The following CERS5 variants were observed in gnomAD, a reference collection of about 807,000 sequenced individuals.
CERS5 encodes ceramide synthase 5.
A neutral mutation model predicts 58.9 loss-of-function variants in CERS5; 37 were observed. That is an observed-to-expected ratio of 0.63 (90% CI 0.48 to 0.83). CERS5 has a LOEUF of 0.83. Ranked by LOEUF, CERS5 falls within the 40% of genes least tolerant of loss-of-function variation. The pLI is 0.00. For synonymous variants in CERS5, 147 were observed against 177.8 expected (o/e 0.83, Z 1.38); for missense variants, 398 against 489.3 (o/e 0.81, Z 1.76).
chr12:50,161,742 A>G (rs1444845598), intron 1 of CERS5, among the ~76,000 whole-genome samples: 1 of 137,404 alleles, frequency 7.3e-6, no homozygotes, highest in Non-Finnish European at 1.5e-5. Flanking sequence ...AAGTCACTGC[A>G]TTCCAGCCTG....
chr12:50,151,855 G>C (rs1937997338), intron 1 of CERS5, among the ~76,000 whole-genome samples: 1 of 152,194 alleles, frequency 6.6e-6, no homozygotes, highest in Non-Finnish European at 1.5e-5. Flanking sequence ...ATGCTGGCCA[G>C]GCTGGTCCCG....
At chr12:50,162,417 ACTGT>A (rs1245274297) in intron 1 of CERS5, among the ~76,000 whole-genome samples, 3 of 152,068 alleles carry the variant, frequency 2.0e-5, no homozygotes. Context: ...AGCCTTAGTA[ACTGT>A]CTGTAAAAGG....
chr12:50,162,800 C>G (rs937498170), intron 1 of CERS5, among the ~76,000 whole-genome samples: 5 of 152,118 alleles, frequency 3.3e-5, no homozygotes, highest in Non-Finnish European at 5.9e-5. Context: ...GATGGGGTTT[C>G]ACCATGTTAG....
chr12:50,146,252 T>C (rs1952260881), intron 1 of CERS5, among the ~76,000 whole-genome samples: 1 of 152,214 alleles, frequency 6.6e-6, no homozygotes, highest in South Asian at 2.1e-4. Context: ...AATGTATGCC[T>C]ACACCAATAC....
intron 1 of CERS5, among the ~76,000 whole-genome samples, chr12:50,164,361 A>C (rs1939638410): frequency 6.6e-6 from 1 of 151,454 alleles, no homozygotes; most frequent in Non-Finnish European, 1.5e-5. Flanking sequence ...CTTGAGCCAA[A>C]GAGGTCGAGG....
At chr12:50,138,768 T>C (rs1463098067) in intron 4 of CERS5, 151 bp from the exon 5 acceptor site, 5 of 696,638 alleles carry the variant, frequency 7.2e-6, no homozygotes, top group Non-Finnish European at 1.3e-5. Flanking sequence ...GATCAATAAA[T>C]AGCTAGACTG....
chr12:50,148,904 C>CAAAAA (rs71083511), intron 1 of CERS5, among the ~76,000 whole-genome samples: 1 of 72,090 alleles, frequency 1.4e-5, no homozygotes, highest in Non-Finnish European at 2.4e-5. Flanking sequence ...GACTCCATCT[C>CAAAAA]AAAAAAAAAA....
chr12:50,135,653 C>T, intron 8 of CERS5, 79 bp downstream of exon 8: 1 of 1,049,212 alleles, frequency 9.5e-7, no homozygotes, highest in Non-Finnish European at 1.5e-6. Context: ...AACAGAAAAA[C>T]TGAATGGGCA....
intron 1 of CERS5, chr12:50,164,902 T>A (rs1346846969): frequency 6.6e-6 from 1 of 152,184 alleles, no homozygotes; most frequent in African/African-American, 2.4e-5. Flanking sequence ...CATATTTATA[T>A]GAAAAGCAGA....
chr12:50,156,394 ACT>A (rs1182181760), intron 1 of CERS5, among the ~76,000 whole-genome samples: 1 of 140,310 alleles, frequency 7.1e-6, no homozygotes. Context: ...ACAGAGCAAG[ACT>A]CTGTCTCAAA....
At chr12:50,165,861 C>G (rs566712091) in intron 1 of CERS5, 1 of 423,370 alleles carries the variant, frequency 2.4e-6, no homozygotes, top group South Asian at 1.7e-5. Context: ...TTCTTGGAGT[C>G]TGAGTAGACT....
intron 1 of CERS5, chr12:50,148,404 T>C (rs1043368839): frequency 1.8e-4 from 37 of 205,496 alleles, no homozygotes; most frequent in African/African-American, 6.7e-4. Flanking sequence ...AAGACCAGGC[T>C]GGCCAACATG....
rs1227585008 is a variant in CERS5, at chr12:50,152,681, AAACT to A, written c.198-8628_198-8625del. The stretch of plus-strand genomic sequence containing the variant: ...TTTGTATGACTACTGCAAGCTGAAT[AAACT>A]AAGTCGCTTTTTCCATAGAATACCA... On this transcript the variant is annotated intron_variant, in intron 1 of 9. Transcript: ENST00000317551. Among the ~76,000 whole-genome samples, 8 of 152,350 alleles carry A rather than the reference AAACT, an allele frequency of 5.3e-5. No homozygotes were observed. The South Asian group carries it at 1.7e-3, about 32-fold the overall frequency.
At chr12:50,153,881 G>T in intron 1 of CERS5, 1 of 423,128 alleles carries the variant, frequency 2.4e-6, no homozygotes, top group Non-Finnish European at 4.7e-6. Context: ...TTGAACCTGG[G>T]AGGCAGAGGT....
intron 1 of CERS5, among the ~76,000 whole-genome samples, chr12:50,149,419 G>A (rs888833099): frequency 6.6e-6 from 1 of 152,162 alleles, no homozygotes; most frequent in African/African-American, 2.4e-5. Context: ...CAGATACATA[G>A]CAGCAGTTGA....
chr12:50,151,690 T>C (rs1937977346), intron 1 of CERS5, among the ~76,000 whole-genome samples: 1 of 152,232 alleles, frequency 6.6e-6, no homozygotes, highest in Admixed American at 6.5e-5. Context: ...TCTCCCTCTG[T>C]CACCTGGGCT....
rs1383243291 is a variant in CERS5 at position 50,164,175 on chromosome 12, G to C, written c.197+2926C>G. On this transcript the variant is annotated intron_variant, in intron 1 of 9. Transcript: ENST00000317551. ...GGGTTTCACCATGTTGGCCAGGCTG[G>C]TCTCGAACTCCTGGCCTCAAGTGAT... Among the ~76,000 whole-genome samples, 13 of 150,992 alleles carry C rather than the reference G, an allele frequency of 8.6e-5. 1 individual carries two copies.
At chr12:50,132,720 A>T (rs1951398944) in intron 9 of CERS5, among the ~76,000 whole-genome samples, 2 of 109,840 alleles carry the variant, frequency 1.8e-5, no homozygotes, top group African/African-American at 6.3e-5. Context: ...TAGAGGGCAG[A>T]GTGTCTCTAG....
intron 1 of CERS5, among the ~76,000 whole-genome samples, chr12:50,148,246 T>A (rs548057326): frequency 6.6e-6 from 1 of 152,100 alleles, no homozygotes; most frequent in Non-Finnish European, 1.5e-5. Context: ...GAGGCTGCAG[T>A]GGGCTGTGAT....
Sources: gnomAD v4.1 joint callset for allele counts (sites outside exome capture counted in the v4.1 genomes callset) on GRCh38, gnomAD v4.1.1 for gene constraint, MANE v1.5 for transcripts, NCBI Gene and HGNC (gene_info 2026-07-23, HGNC 2026-07-21) for gene names.